Variants in FBXO21 observed in about 807,000 individuals in gnomAD.
FBXO21 encodes the protein F-box only protein 21.
FBXO21 carries 32 observed loss-of-function variants against 76.6 expected under a neutral mutation model. That is an observed-to-expected ratio of 0.42 (90% CI 0.32 to 0.56). The LOEUF (loss-of-function observed/expected upper bound fraction) is 0.56. Ranked by LOEUF, FBXO21 falls within the 20% of genes least tolerant of loss-of-function variation. FBXO21 has a pLI of 0.16. For missense variants in FBXO21, 586 were observed against 797.3 expected (o/e 0.73, Z 3.19); for synonymous variants, 328 against 311.5 (o/e 1.05, Z -0.56).
In FBXO21 at chr12:117,158,007, C is replaced by T. The variant is rs769169490; in HGVS notation, c.1383G>A (p.Val461=). The T allele has an allele frequency of 5.3e-5, 85 of 1,614,128 alleles. No homozygotes were observed. Among genetic ancestry groups the T allele is most frequent in the Non-Finnish European group, 6.9e-5 (82 of 1,180,056 alleles). Residue 461 remains valine, a synonymous_variant, in exon 10 of 12, where the codon GTG becomes GTA. Transcript: ENST00000622495. ...QTLDPGQHGA[V]GYLVQHTLEH... ...CTAGAGTGTGCTGCACCAGGTAGCC[C>T]ACCGCCCCGTGCTGCCCCGGGTCTA...
chr12:117,156,505 T>G (rs1382551230), intron 10 of FBXO21, among the ~76,000 whole-genome samples: 1 of 152,196 alleles, frequency 6.6e-6, no homozygotes, highest in Admixed American at 6.5e-5. Flanking sequence ...AATAAGATGT[T>G]AAATATGAAA....
At chr12:117,164,426 A>G (rs57559958) in intron 9 of FBXO21, among the ~76,000 whole-genome samples, 30,286 of 151,802 alleles carry the variant, frequency 0.2, 3,427 homozygotes, top group East Asian at 0.43. Flanking sequence ...ACAGGTTCCC[A>G]CCACCACGCC....
intron 9 of FBXO21, among the ~76,000 whole-genome samples, chr12:117,164,966 G>C (rs1956035021): frequency 6.6e-6 from 1 of 152,190 alleles, no homozygotes; most frequent in Non-Finnish European, 1.5e-5. Flanking sequence ...GCATGCTGCT[G>C]CCCAAAGGGG....
intron 11 of FBXO21, among the ~76,000 whole-genome samples, chr12:117,150,871 C>CTGTGTGTGTATGTGTGTG (rs1955830135): frequency 3.9e-5 from 5 of 127,630 alleles, no homozygotes; most frequent in Admixed American, 3.3e-4. Flanking sequence ...TGGCCATGGA[C>CTGTGTGTGTATGTGTGTG]TGTGTGTGTG....
intron 3 of FBXO21, among the ~76,000 whole-genome samples, chr12:117,182,322 T>TG (rs1291944304): frequency 4.6e-5 from 7 of 152,140 alleles, no homozygotes; most frequent in African/African-American, 7.2e-5. Flanking sequence ...AGTGAGACAC[T>TG]GTCTCTACCA....
intron 11 of FBXO21, among the ~76,000 whole-genome samples, chr12:117,150,808 C>T (rs1024064428): frequency 1.3e-5 from 2 of 151,956 alleles, no homozygotes; most frequent in Non-Finnish European, 1.5e-5. Flanking sequence ...CTCAACCCCA[C>T]CCCCATGCAG....
Position 117,144,181 on chromosome 12 carries a change from A to T in FBXO21, c.*1906T>A, listed in dbSNP as rs1486237445. On this transcript the variant is annotated 3_prime_UTR_variant, in exon 12 of 12. Transcript: ENST00000622495. ...TCTAAGAAAAAAGGAAATCAATCAA[A>T]CCAGAAAACCAACAATTGCAACTCT... 1 of 152,204 alleles carries T rather than the reference A, an allele frequency of 6.6e-6. No homozygotes were observed. The highest frequency in any genetic ancestry group is 2.4e-5 in the African/African-American group (1 of 41,440). 9.4% of individuals were successfully genotyped at this position (152,204 alleles called of 1,614,324 possible). A position where few individuals can be genotyped will look rare whatever the true frequency, so the allele number is the denominator to read the frequency against.
intron 11 of FBXO21, among the ~76,000 whole-genome samples, chr12:117,153,297 G>A (rs1592869618): frequency 2.0e-5 from 3 of 152,156 alleles, no homozygotes; most frequent in Non-Finnish European, 4.4e-5. Context: ...AGCAAGACAC[G>A]GCCCCCACGT....
intron 7 of FBXO21, 49 bp from the exon 8 acceptor site, chr12:117,167,126 TAA>T (rs747945389): frequency 6.9e-7 from 1 of 1,452,528 alleles, no homozygotes; most frequent in Non-Finnish European, 9.6e-7. Flanking sequence ...CTCATTATTT[TAA>T]GTCTCCACAG....
At chr12:117,165,154 C>T (rs544390540) in intron 9 of FBXO21, among the ~76,000 whole-genome samples, 1 of 152,196 alleles carries the variant, frequency 6.6e-6, no homozygotes, top group East Asian at 1.9e-4. Context: ...GGAGGTTGAC[C>T]ATTTACAGCT....
chr12:117,158,357 A>G (rs1242253521), intron 9 of FBXO21, among the ~76,000 whole-genome samples: 1 of 152,162 alleles, frequency 6.6e-6, no homozygotes, highest in Non-Finnish European at 1.5e-5. Flanking sequence ...GTGTGCTGGG[A>G]TAAGCGCTGG....
intron 3 of FBXO21, among the ~76,000 whole-genome samples, chr12:117,181,042 C>T (rs573666030): frequency 4.1e-4 from 63 of 152,310 alleles, no homozygotes; most frequent in African/African-American, 1.4e-3. Context: ...GAAATATTTT[C>T]TCCCCTAGAG....
intron 3 of FBXO21, among the ~76,000 whole-genome samples, chr12:117,181,599 G>GTCTGTCTA (rs1555242789): frequency 1.5e-4 from 22 of 145,536 alleles, no homozygotes; most frequent in Non-Finnish European, 2.7e-4. Flanking sequence ...ATCTGAGACA[G>GTCTGTCTA]TCTATCTATC....
At chr12:117,171,200 C>CA (rs1351725298) in intron 7 of FBXO21, among the ~76,000 whole-genome samples, 3 of 151,548 alleles carry the variant, frequency 2.0e-5, no homozygotes, top group South Asian at 2.1e-4. Flanking sequence ...CCCGTCTCTA[C>CA]AAAAAAATTA....
intron 9 of FBXO21, among the ~76,000 whole-genome samples, chr12:117,163,239 A>G (rs1956005845): frequency 6.6e-6 from 1 of 152,264 alleles, no homozygotes; most frequent in South Asian, 2.1e-4. Context: ...TTTACATTTA[A>G]AGAAACTTGC....
chr12:117,179,247 G>C (rs1956205542), intron 3 of FBXO21, among the ~76,000 whole-genome samples: 1 of 152,160 alleles, frequency 6.6e-6, no homozygotes, highest in Non-Finnish European at 1.5e-5. Context: ...CACATTCCTG[G>C]ATCTAACACT....
chr12:117,179,939 C>A (rs941393110), intron 3 of FBXO21, among the ~76,000 whole-genome samples: 1 of 149,042 alleles, frequency 6.7e-6, no homozygotes, highest in African/African-American at 2.4e-5. Flanking sequence ...TCTATTTATC[C>A]TTCAAAGGTG....
intron 3 of FBXO21, among the ~76,000 whole-genome samples, chr12:117,182,564 C>T (rs1303891474): frequency 7.2e-4 from 60 of 83,332 alleles, no homozygotes; most frequent in South Asian, 2.7e-3. Context: ...GCAAGAGGAT[C>T]TTTTTTTTTT....
At chr12:117,165,213 G>A (rs1450466716) in intron 9 of FBXO21, among the ~76,000 whole-genome samples, 1 of 152,100 alleles carries the variant, frequency 6.6e-6, no homozygotes, top group Non-Finnish European at 1.5e-5. Context: ...CGATCTGAGG[G>A]CCCCAGTGGT....
Sources: gnomAD v4.1 joint callset for allele counts (sites outside exome capture counted in the v4.1 genomes callset) on GRCh38, gnomAD v4.1.1 for gene constraint, MANE v1.5 for transcripts, NCBI Gene and HGNC (gene_info 2026-07-23, HGNC 2026-07-21) for gene names.